Variants in MGAM observed in about 807,000 individuals in gnomAD.
The protein encoded by MGAM is maltase-glucoamylase.
In MGAM, 253 loss-of-function variants were observed where a neutral mutation model predicts 358.8. The observed-to-expected ratio is 0.71, with a 90% confidence interval of 0.64 to 0.78. The LOEUF is 0.78. Ranked by LOEUF, MGAM falls within the 30% of genes least tolerant of loss-of-function variation. MGAM has a pLI of 0.00. For missense variants in MGAM, 3,080 were observed against 3,432.6 expected, an observed-to-expected ratio of 0.90 and a Z score of 2.57; for synonymous variants, 1,105 against 1,227.1, an observed-to-expected ratio of 0.90 and a Z score of 2.08.
intron 11 of MGAM, 45 bp downstream of exon 11, chr7:142,030,538 G>T: frequency 6.2e-7 from 1 of 1,611,482 alleles, no homozygotes; most frequent in Non-Finnish European, 8.5e-7. Flanking sequence ...TTGCTCCTCC[G>T]TATCATACAC....
intron 22 of MGAM, among the ~76,000 whole-genome samples, chr7:142,048,457 TC>T (rs1810612051): frequency 6.6e-6 from 1 of 152,006 alleles, no homozygotes; most frequent in African/African-American, 2.4e-5. Context: ...CAATAGGCTC[TC>T]TTTTTATTGT....
chr7:142,063,963 G>C (rs1479719937), intron 36 of MGAM, among the ~76,000 whole-genome samples: 1 of 152,116 alleles, frequency 6.6e-6, no homozygotes, highest in Non-Finnish European at 1.5e-5. Context: ...AGTTACACTT[G>C]GGTTCATATC....
chr7:142,061,003 G>T (rs577121303), intron 34 of MGAM, among the ~76,000 whole-genome samples: 10 of 152,016 alleles, frequency 6.6e-5, no homozygotes, highest in East Asian at 1.9e-4. Flanking sequence ...CATGCTTCTG[G>T]ACCTGAATTT....
chr7:142,089,166 G>T (rs1815132946), intron 57 of MGAM, among the ~76,000 whole-genome samples: 2 of 145,768 alleles, frequency 1.4e-5, no homozygotes, highest in African/African-American at 4.9e-5. Context: ...CTGGGTCATG[G>T]GCTTCCTGAC....
rs554304025 is a variant in MGAM at position 142,103,519 on chromosome 7, A to G, written c.8184+80A>G. On this transcript the variant is annotated intron_variant, in intron 70 of 70. Coordinates refer to ENST00000475668, the MANE Select transcript of MGAM (RefSeq NM_001365693.1). ...GCAGTGCCTGACTGCTTCCCTTCCA[A>G]ATGATGCCCTCTCCTGCCAGGCCCT... 114 of 1,316,758 alleles carry G rather than the reference A, an allele frequency of 8.7e-5. No homozygotes were observed. The African/African-American group carries it at 1.7e-3, about 19-fold the overall frequency. 81.6% of individuals were successfully genotyped at this position (1,316,758 alleles called of 1,614,324 possible). A position where few individuals can be genotyped will look rare whatever the true frequency, so the allele number is the denominator to read the frequency against.
At chr7:142,009,774 T>C (rs186848279) in intron 3 of MGAM, among the ~76,000 whole-genome samples, 27 of 152,282 alleles carry the variant, frequency 1.8e-4, no homozygotes, top group African/African-American at 5.5e-4. Context: ...TTCATTTTCT[T>C]GTAGAAGATA....
chr7:142,076,558 C>A (rs1489267913), intron 46 of MGAM, 101 bp from the exon 47 acceptor site: 8 of 1,096,462 alleles, frequency 7.3e-6, no homozygotes, highest in Non-Finnish European at 1.1e-5. Context: ...GCATTCATGG[C>A]AGTGGGGGGT....
Position 142,021,734 on chromosome 7 carries a change from T to C in MGAM, c.707T>C (p.Val236Ala), listed in dbSNP as rs782790272. Residue 236 changes from valine to alanine, a missense_variant, in exon 6 of 71, where the codon GTT becomes GCT. By Grantham distance (64) the Val-to-Ala change is moderately conservative. This residue lies in a region of MGAM where 1,816 missense variants were observed against 1,840.5 expected (regional missense o/e 0.99). Transcript: ENST00000475668. Reference protein sequence around the residue: ...IKVTRRSNNRVLFDSSIGPLL... With the variant: ...IKVTRRSNNRALFDSSIGPLL... ...GTGACCAGAAGAAGCAACAATCGTG[T>C]TTTGTAAGTTTTGGAAACCTATCTA... 60 of 1,613,846 alleles carry C rather than the reference T, an allele frequency of 3.7e-5. No homozygotes were observed. In the Middle Eastern group the frequency reaches 8.3e-4, roughly 22 times the overall value.
chr7:142,090,752 A>G (rs1264266335), intron 57 of MGAM, among the ~76,000 whole-genome samples: 1 of 146,398 alleles, frequency 6.8e-6, no homozygotes, highest in Admixed American at 6.9e-5. Flanking sequence ...AAAGGAGGCT[A>G]TTTACTGAGA....
intron 44 of MGAM, among the ~76,000 whole-genome samples, chr7:142,072,490 T>C (rs985848682): frequency 6.8e-6 from 1 of 146,290 alleles, no homozygotes; most frequent in Admixed American, 6.9e-5. Flanking sequence ...CCTTAGATGA[T>C]TTTGTCTTTC....
chr7:141,990,429 C>T (rs906620502), intron 2 of MGAM, among the ~76,000 whole-genome samples: 1 of 152,104 alleles, frequency 6.6e-6, no homozygotes, highest in Admixed American at 6.5e-5. Context: ...AGCAGATAAT[C>T]CAGTGTTTTG....
intron 34 of MGAM, 55 bp downstream of exon 34, chr7:142,060,428 T>A (rs6959057): frequency 4.4e-6 from 7 of 1,575,590 alleles, no homozygotes; most frequent in Non-Finnish European, 6.1e-6. Flanking sequence ...CAGGGGCAGC[T>A]GTTCCTGGGA....
intron 30 of MGAM, among the ~76,000 whole-genome samples, chr7:142,057,916 A>G (rs1811714856): frequency 1.3e-5 from 2 of 152,144 alleles, no homozygotes; most frequent in Non-Finnish European, 2.9e-5. Context: ...GAGCCTGTAT[A>G]CTAAGCCAGG....
rs186347528 is a variant in MGAM, at chr7:142,065,581, G to A, written c.4619-7G>A. 1.7e-5 allele frequency: 28 copies of A among 1,613,834 alleles called. No homozygotes were observed. The highest frequency in any genetic ancestry group is 3.3e-5 in the Admixed American group (2 of 60,002). Reference sequence around the variant, plus strand: ...CTGGTGTGACACAGCTGTGCTTCTCGTTGCAGGCATGATGGAGTTCAGCCT... The same window carrying A: ...CTGGTGTGACACAGCTGTGCTTCTCATTGCAGGCATGATGGAGTTCAGCCT... On this transcript the variant is annotated splice_polypyrimidine_tract_variant and splice_region_variant and intron_variant, in intron 38 of 70. Coordinates refer to ENST00000475668, the MANE Select transcript of MGAM (RefSeq NM_001365693.1).
At chr7:142,071,744 T>A (rs576436256) in intron 44 of MGAM, among the ~76,000 whole-genome samples, 1 of 145,750 alleles carries the variant, frequency 6.9e-6, no homozygotes, top group Non-Finnish European at 1.6e-5. Context: ...CTCTTTCTTT[T>A]CTCCCGCTAA....
rs1263650229 is a variant in MGAM at position 142,034,321 on chromosome 7, G to T, written c.1729G>T (p.Gly577Cys). Reference sequence around the variant, plus strand: ...CTGTATGGATGCAGTGCAGCACTGGGGCAAGCAGTATGACATTCACAATCT... The same window carrying T: ...CTGTATGGATGCAGTGCAGCACTGGTGCAAGCAGTATGACATTCACAATCT... ...TLCMDAVQHW[G>C]KQYDIHNLYG... Residue 577 changes from glycine (G) to cysteine (C), a missense_variant, in exon 15 of 71, where the codon GGC becomes TGC. Gly to Cys is a radical substitution (Grantham distance 159). Coordinates refer to ENST00000475668, the MANE Select transcript of MGAM (RefSeq NM_001365693.1). 2.4e-5 allele frequency: 39 copies of T among 1,598,772 alleles called. No individual in the cohort carries two copies. Among genetic ancestry groups the T allele is most frequent in the Non-Finnish European group, 3.2e-5 (38 of 1,172,592 alleles).
intron 48 of MGAM, 47 bp from the exon 49 acceptor site, chr7:142,078,755 GAACTTT>G: frequency 6.8e-7 from 1 of 1,467,566 alleles, no homozygotes; most frequent in Non-Finnish European, 9.5e-7. Flanking sequence ...TTAGGTTAGA[GAACTTT>G]AAGACCACAT....
At position 142,075,891 on chromosome 7, in the gene MGAM, A is replaced by G. The variant is rs749437029; in HGVS notation, c.5276-312A>G. Among the ~76,000 whole-genome samples the G allele has an allele frequency of 3.4e-5, 5 of 146,154 alleles. 1 individual carries two copies. The highest frequency in any genetic ancestry group is 6.2e-5 in the Non-Finnish European group (4 of 64,524). On this transcript the variant is annotated intron_variant, in intron 45 of 70. Coordinates refer to ENST00000475668, the MANE Select transcript of MGAM (RefSeq NM_001365693.1). The stretch of plus-strand genomic sequence containing the variant: ...TAGAATGGAGGTTCCTCAAAAAATT[A>G]AAAACAGAACTTCCATACAATCCCA...
At position 142,058,264 on chromosome 7, in the gene MGAM, G is replaced by A. The variant is rs1160691795; in HGVS notation, c.3755G>A (p.Gly1252Asp). 3.7e-6 allele frequency: 6 copies of A among 1,613,798 alleles called. No homozygotes were observed. In the African/African-American group the frequency reaches 6.7e-5, roughly 18 times the overall value. The change falls in exon 31 of 71, where the codon GGC becomes GAC. Residue 1252 changes from glycine to aspartate, a missense_variant. Physicochemically the swap from Gly to Asp is moderately conservative, Grantham distance 94. This residue lies in a region of MGAM where 1,816 missense variants were observed against 1,840.5 expected (regional missense o/e 0.99). Transcript: ENST00000475668. ...WSLGFQLCRYGYQNDSEIASL... is the reference protein window; with the variant it reads ...WSLGFQLCRYDYQNDSEIASL... ...TTGGGGTTCCAGCTGTGTCGCTATG[G>A]CTACCAGAATGACTCTGAGATCGCC...
Sources: gnomAD v4.1 joint callset for allele counts (sites outside exome capture counted in the v4.1 genomes callset) on GRCh38, gnomAD v4.1.1 for gene constraint, gnomAD v4.1.1 regional missense constraint, MANE v1.5 for transcripts, NCBI Gene and HGNC (gene_info 2026-07-23, HGNC 2026-07-21) for gene names.